FNDC3A: variants seen among roughly 807,000 people sequenced by gnomAD.
FNDC3A encodes the protein fibronectin type III domain containing 3A.
In FNDC3A, 32 loss-of-function variants were observed where a neutral mutation model predicts 148.9. That is an observed-to-expected ratio of 0.21 (90% CI 0.16 to 0.29). The LOEUF is 0.29. FNDC3A is among the 10% of genes least tolerant of loss of function. FNDC3A has a pLI of 1.00. For missense variants in FNDC3A, 1,191 were observed against 1,452.8 expected, an observed-to-expected ratio of 0.82 and a Z score of 2.93; for synonymous variants, 472 against 473.6, an observed-to-expected ratio of 1.00 and a Z score of 0.04.
At position 49,186,007 on chromosome 13, in the gene FNDC3A, T is replaced by C. The variant is rs760089559; in HGVS notation, c.1661T>C (p.Val554Ala). The C allele has an allele frequency of 1.2e-6, 2 of 1,611,832 alleles. No homozygotes were observed. Among genetic ancestry groups the C allele is most frequent in the Non-Finnish European group, 1.7e-6 (2 of 1,178,170 alleles). Residue 554 changes from valine to alanine, a missense_variant, in exon 15 of 26, where the codon GTA becomes GCA. Coordinates refer to ENST00000492622, the MANE Select transcript of FNDC3A (RefSeq NM_001079673.2). ...NSEGKSNPSE[V>A]VEFTTCPDKP... ...GAAGGTAAAAGTAATCCAAGTGAAG[T>C]AGTAGAATTTACTACTTGCCCTGAT...
At chr13:49,020,165 T>C (rs1294123969) in intron 2 of FNDC3A, among the ~76,000 whole-genome samples, 1 of 152,182 alleles carries the variant, frequency 6.6e-6, no homozygotes, top group South Asian at 2.1e-4. Flanking sequence ...GCATTTAAAA[T>C]AAAATTTATT....
chr13:49,093,182 T>A (rs928394426), intron 3 of FNDC3A, among the ~76,000 whole-genome samples: 7 of 152,168 alleles, frequency 4.6e-5, no homozygotes, highest in Non-Finnish European at 1.0e-4. Context: ...GGTAGTATAC[T>A]CTTTGTAGGC....
chr13:49,114,572 A>G, intron 3 of FNDC3A, 83 bp from the exon 4 acceptor site: 2 of 883,068 alleles, frequency 2.3e-6, no homozygotes, highest in Admixed American at 3.5e-5. Context: ...TAGATGAAGT[A>G]TTCAAAATGT....
chr13:49,073,936 G>C (rs1310445129), intron 2 of FNDC3A, among the ~76,000 whole-genome samples: 4 of 150,942 alleles, frequency 2.7e-5, no homozygotes, highest in African/African-American at 7.3e-5. Context: ...TTTTGGCTAA[G>C]GGATACTCAT....
At chr13:49,200,376 G>A (rs927686976) in intron 23 of FNDC3A, among the ~76,000 whole-genome samples, 9 of 152,110 alleles carry the variant, frequency 5.9e-5, no homozygotes, top group Admixed American at 2.0e-4. Flanking sequence ...AATCTGTATC[G>A]ATGAATGTTA....
At chr13:49,100,340 G>A (rs142841877) in intron 3 of FNDC3A, among the ~76,000 whole-genome samples, 97 of 152,062 alleles carry the variant, frequency 6.4e-4, no homozygotes, top group African/African-American at 2.0e-3. Flanking sequence ...GTTCTTGATT[G>A]GATGATGATA....
intron 3 of FNDC3A, among the ~76,000 whole-genome samples, chr13:49,112,349 C>T (rs934070034): frequency 6.6e-6 from 1 of 152,010 alleles, no homozygotes; most frequent in Non-Finnish European, 1.5e-5. Context: ...GGAAGTAAAC[C>T]AGCATTAGTT....
chr13:49,199,753 G>A (rs1470787086), intron 23 of FNDC3A, among the ~76,000 whole-genome samples: 5 of 152,166 alleles, frequency 3.3e-5, no homozygotes, highest in African/African-American at 1.2e-4. Flanking sequence ...ATACAGTTCA[G>A]TTTTTCACTG....
At chr13:49,197,626 C>A in intron 20 of FNDC3A, 99 bp from the exon 21 acceptor site, 1 of 918,210 alleles carries the variant, frequency 1.1e-6, no homozygotes. Flanking sequence ...AACTCAAAAG[C>A]AATCTAGTTT....
intron 3 of FNDC3A, among the ~76,000 whole-genome samples, chr13:49,094,572 A>G (rs1439473012): frequency 6.6e-6 from 1 of 152,124 alleles, no homozygotes; most frequent in Non-Finnish European, 1.5e-5. Flanking sequence ...ATTTGCAATC[A>G]CTATTCCAAA....
intron 2 of FNDC3A, among the ~76,000 whole-genome samples, chr13:49,030,905 A>G (rs538727839): frequency 6.6e-6 from 1 of 152,340 alleles, no homozygotes; most frequent in East Asian, 1.9e-4. Flanking sequence ...AGAAGACTTA[A>G]TATTGTTAAG....
At chr13:49,195,488 A>G (rs1461512271) in intron 19 of FNDC3A, among the ~76,000 whole-genome samples, 1 of 152,174 alleles carries the variant, frequency 6.6e-6, no homozygotes, top group Non-Finnish European at 1.5e-5. Context: ...ACTTTTTAAA[A>G]TTTTATTTTT....
chr13:49,009,975 G>A (rs767797624), intron 2 of FNDC3A, among the ~76,000 whole-genome samples: 4 of 151,966 alleles, frequency 2.6e-5, no homozygotes, highest in Non-Finnish European at 5.9e-5. Context: ...TTTAATTTAC[G>A]GAAGTAACTT....
chr13:49,199,328 ATTTTTTTT>A (rs35601446), intron 23 of FNDC3A, among the ~76,000 whole-genome samples: 3 of 133,176 alleles, frequency 2.3e-5, no homozygotes, highest in African/African-American at 8.8e-5. Flanking sequence ...GACCGAAACA[ATTTTTTTT>A]TTTTTTTTTT....
intron 2 of FNDC3A, among the ~76,000 whole-genome samples, chr13:49,050,357 T>C (rs895628038): frequency 2.0e-5 from 3 of 152,224 alleles, no homozygotes; most frequent in African/African-American, 4.8e-5. Context: ...TATCATTCAG[T>C]TCAAAGAAGT....
rs1875838836 is a variant in FNDC3A at position 49,051,471 on chromosome 13, GT to G, written c.100-23814del. 2.0e-5 allele frequency among the ~76,000 whole-genome samples: 3 copies of G among 152,264 alleles called. No homozygotes were observed. In the South Asian group the frequency reaches 6.2e-4, roughly 32 times the overall value. On this transcript the variant is annotated intron_variant, in intron 2 of 25. Transcript: ENST00000492622. ...GATACAAAATTCATGACTGATAATT[GT>G]TTTGTTTAAGGAGGCTAAAATAGGA...
intron 1 of FNDC3A, among the ~76,000 whole-genome samples, chr13:49,005,726 G>A (rs576284585): frequency 2.6e-5 from 4 of 151,944 alleles, no homozygotes; most frequent in Non-Finnish European, 5.9e-5. Flanking sequence ...GGGGGATTGA[G>A]TCTTCATAAT....
chr13:49,034,370 A>G (rs1040874683), intron 2 of FNDC3A, among the ~76,000 whole-genome samples: 1 of 152,054 alleles, frequency 6.6e-6, no homozygotes, highest in African/African-American at 2.4e-5. Context: ...ATTTGTTAGT[A>G]TCATTGAAAT....
chr13:49,051,695 T>C (rs536199051), intron 2 of FNDC3A, among the ~76,000 whole-genome samples: 50 of 152,348 alleles, frequency 3.3e-4, no homozygotes, highest in South Asian at 1.9e-3. Context: ...CTCTTTGTAC[T>C]TCTTGTATTT....
Sources: gnomAD v4.1 joint callset for allele counts (sites outside exome capture counted in the v4.1 genomes callset) on GRCh38, gnomAD v4.1.1 for gene constraint, MANE v1.5 for transcripts, NCBI Gene and HGNC (gene_info 2026-07-23, HGNC 2026-07-21) for gene names.